The following IGF2R variants were observed in gnomAD, a reference collection of about 807,000 sequenced individuals.
IGF2R encodes the protein insulin like growth factor 2 receptor, also known as cation-independent mannose-6-phosphate receptor.
IGF2R carries 91 observed loss-of-function variants against 270.6 expected under a neutral mutation model. That is an observed-to-expected ratio of 0.34 (90% confidence interval 0.28 to 0.40). IGF2R has a LOEUF of 0.40. Ranked by LOEUF, IGF2R falls within the 10% of genes least tolerant of loss-of-function variation. The pLI is 1.00. For synonymous variants in IGF2R, 1,316 were observed against 1,258.9 expected (o/e 1.05, Z -0.96); for missense variants, 2,805 against 3,188.3 (o/e 0.88, Z 2.90).
chr6:160,012,767 T>C (rs201770751), intron 4 of IGF2R, among the ~76,000 whole-genome samples: 1 of 66,710 alleles, frequency 1.5e-5, no homozygotes, highest in Non-Finnish European at 3.6e-5. Context: ...ATATATATTT[T>C]TTTTTTTTTT....
intron 2 of IGF2R, among the ~76,000 whole-genome samples, chr6:159,997,171 G>A (rs1023812597): frequency 2.6e-5 from 4 of 152,204 alleles, no homozygotes; most frequent in African/African-American, 9.6e-5. Context: ...GCACAGGAAA[G>A]TGCATGCTCC....
At chr6:160,067,668 G>A (rs1022296579) in intron 29 of IGF2R, among the ~76,000 whole-genome samples, 2 of 152,198 alleles carry the variant, frequency 1.3e-5, no homozygotes, top group Non-Finnish European at 2.9e-5. Context: ...CAGAGTGTGT[G>A]TCTCACTCAC....
At chr6:159,978,308 A>G (rs1320637798) in intron 1 of IGF2R, among the ~76,000 whole-genome samples, 3 of 151,806 alleles carry the variant, frequency 2.0e-5, no homozygotes, top group Admixed American at 2.0e-4. Context: ...CCTCACTCAG[A>G]TTCCCCCAAA....
At chr6:160,068,969 T>G (rs548453892) in intron 30 of IGF2R, among the ~76,000 whole-genome samples, 1 of 152,260 alleles carries the variant, frequency 6.6e-6, no homozygotes, top group Admixed American at 6.5e-5. Flanking sequence ...TAACCCTTTC[T>G]GAACATGAGG....
At chr6:160,071,791 A>T in intron 31 of IGF2R, 119 bp from the exon 32 acceptor site, 1 of 1,335,952 alleles carries the variant, frequency 7.5e-7, no homozygotes, top group Non-Finnish European at 1.1e-6. Flanking sequence ...AGGCACATGG[A>T]GACAGAAATG....
chr6:159,976,623 C>G (rs1251312503), intron 1 of IGF2R, among the ~76,000 whole-genome samples: 4 of 152,010 alleles, frequency 2.6e-5, no homozygotes, highest in African/African-American at 9.7e-5. Flanking sequence ...TTCGGAGTAC[C>G]ATACCACTCA....
intron 4 of IGF2R, among the ~76,000 whole-genome samples, chr6:160,020,528 A>G (rs1200377135): frequency 6.6e-6 from 1 of 152,190 alleles, no homozygotes; most frequent in Non-Finnish European, 1.5e-5. Flanking sequence ...AGGCATCACA[A>G]TACCCACCTA....
Position 160,108,830 on chromosome 6 carries a change from G to C in IGF2R, c.*3746G>C, listed in dbSNP as rs1342648605. The C allele has an allele frequency of 2.0e-5, 3 of 152,112 alleles. No individual in the cohort carries two copies. Among genetic ancestry groups the C allele is most frequent in the African/African-American group, 7.3e-5 (3 of 41,376 alleles). The allele number at this position is 152,112 out of a possible 1,614,324, so 9.4% of individuals were successfully genotyped here. ...CCCTAGTAGCTGGGATTAAAGGCAC[G>C]CACTGCCACGCCCGGCTAATTTTTG... is the stretch of plus-strand genomic sequence containing the variant. On this transcript the variant is annotated 3_prime_UTR_variant, in exon 48 of 48. Transcript: ENST00000356956.
At chr6:160,072,059 A>T in intron 32 of IGF2R, 23 bp downstream of exon 32, 1 of 1,613,842 alleles carries the variant, frequency 6.2e-7, no homozygotes, top group Non-Finnish European at 8.5e-7. Flanking sequence ...GCCAGTCGTT[A>T]ACCCCAGCGC....
intron 43 of IGF2R, 61 bp downstream of exon 43, chr6:160,089,314 G>A (rs533985644): frequency 1.2e-5 from 18 of 1,468,354 alleles, no homozygotes; most frequent in African/African-American, 7.0e-5. Flanking sequence ...CAGCAATGCC[G>A]CTCTTTCCCT....
chr6:160,074,889 C>T (rs968118484), intron 35 of IGF2R, among the ~76,000 whole-genome samples: 2 of 152,216 alleles, frequency 1.3e-5, no homozygotes, highest in Non-Finnish European at 2.9e-5. Flanking sequence ...TGAGTCTCCC[C>T]AGGAAGCTCT....
At position 160,074,120 on chromosome 6, in the gene IGF2R, G is replaced by A. The variant is rs560651047; in HGVS notation, c.5166+145G>A. On this transcript the variant is annotated intron_variant, in intron 35 of 47. Transcript: ENST00000356956. ...GTGGGACTGTGTATGTTCTGGGTCC[G>A]CTACTGGAAGATTAAAGGTTTGCAC... The A allele has an allele frequency of 1.5e-4, 93 of 627,890 alleles. No homozygotes were observed. The South Asian group carries it at 1.5e-3, about 10-fold the overall frequency. The allele number at this position is 627,890 out of a possible 1,614,324, so 38.9% of individuals were successfully genotyped here.
chr6:160,061,411 C>T (rs1403157449), intron 23 of IGF2R, 92 bp from the exon 24 acceptor site: 10 of 1,167,564 alleles, frequency 8.6e-6, no homozygotes, highest in Middle Eastern at 2.5e-4. Context: ...GCCAGGTTCA[C>T]GCCTCCTCAG....
At chr6:160,027,005 C>T (rs1459647751) in intron 5 of IGF2R, among the ~76,000 whole-genome samples, 180 bp from the exon 6 acceptor site, 2 of 152,214 alleles carry the variant, frequency 1.3e-5, no homozygotes, top group African/African-American at 4.8e-5. Flanking sequence ...CAGTACTTTA[C>T]AGTCCTTCAT....
At chr6:160,103,638 C>T (rs1055442715) in intron 46 of IGF2R, 108 bp from the exon 47 acceptor site, 35 of 746,542 alleles carry the variant, frequency 4.7e-5, no homozygotes, top group African/African-American at 4.0e-4. Flanking sequence ...GAAATGCAGC[C>T]ACCACCAGCC....
In IGF2R at chr6:160,069,851, T is replaced by C; in HGVS notation, c.4253-17T>C. ...GGAGTCACTAAAGGCAACTCTTTCT[T>C]GTGTCTGGTGCTGCAGAGCCGTGCC... is the stretch of plus-strand genomic sequence containing the variant. On this transcript the variant is annotated splice_polypyrimidine_tract_variant and intron_variant, in intron 30 of 47. Transcript: ENST00000356956. The C allele has an allele frequency of 6.2e-7, 1 of 1,611,132 alleles. No individual in the cohort carries two copies. The highest frequency in any genetic ancestry group is 8.5e-7 in the Non-Finnish European group (1 of 1,178,038).
intron 2 of IGF2R, among the ~76,000 whole-genome samples, chr6:160,008,215 C>G (rs2115202377): frequency 6.6e-6 from 1 of 152,318 alleles, no homozygotes; most frequent in East Asian, 1.9e-4. Context: ...GTACCCAGTA[C>G]TGGGTAGGGA....
chr6:160,068,261 C>A lies in IGF2R; in HGVS notation c.4128C>A (p.Gly1376=). ...TTCTTCTTTTCAGAGATGGGGCTGGCAACTCCTTCGACCTCTCGTCCCTGT... is the reference window on the plus strand; with the variant it reads ...TTCTTCTTTTCAGAGATGGGGCTGGAAACTCCTTCGACCTCTCGTCCCTGT... The part of the protein sequence containing the change: ...LTECSFKDGA[G]NSFDLSSLSR... Residue 1376 remains glycine, a synonymous_variant, in exon 30 of 48, where the codon GGC becomes GGA. Transcript: ENST00000356956. The A allele has an allele frequency of 6.2e-7, 1 of 1,614,210 alleles. No individual in the cohort carries two copies. The highest frequency in any genetic ancestry group is 8.5e-7 in the Non-Finnish European group (1 of 1,180,014).
intron 1 of IGF2R, among the ~76,000 whole-genome samples, chr6:159,976,241 A>G (rs1230224428): frequency 6.6e-6 from 1 of 151,976 alleles, no homozygotes; most frequent in Admixed American, 6.6e-5. Context: ...TCTTGGGCCA[A>G]TTTTGGTAAT....
Sources: gnomAD v4.1 joint callset for allele counts (sites outside exome capture counted in the v4.1 genomes callset) on GRCh38, gnomAD v4.1.1 for gene constraint, MANE v1.5 for transcripts, NCBI Gene and HGNC (gene_info 2026-07-23, HGNC 2026-07-21) for gene names.